ARHGAP9: variants seen among roughly 807,000 people sequenced by gnomAD.
The protein encoded by ARHGAP9 is rho GTPase-activating protein 9.
A neutral mutation model predicts 87.3 loss-of-function variants in ARHGAP9; 76 were observed. That is an observed-to-expected ratio of 0.87 (90% confidence interval 0.72 to 1.05). The LOEUF (loss-of-function observed/expected upper bound fraction) is 1.05, where lower values mean the gene tolerates loss of function less well. ARHGAP9 is among the 50% of genes least tolerant of loss of function. The pLI is 0.00. For synonymous variants in ARHGAP9, 382 were observed against 394.9 expected, an observed-to-expected ratio of 0.97 and a Z score of 0.39; for missense variants, 941 against 960.5, an observed-to-expected ratio of 0.98 and a Z score of 0.27.
At chr12:57,487,621 G>A (rs1875527869) in intron 1 of ARHGAP9, 1 of 158,662 alleles carries the variant, frequency 6.3e-6, no homozygotes, top group Non-Finnish European at 1.4e-5. Context: ...GGCCGAGGCG[G>A]GCGGATCATC....
chr12:57,484,087 TCA>T, upstream of ARHGAP9: 1 of 251,152 alleles, frequency 4.0e-6, no homozygotes, highest in Non-Finnish European at 7.8e-6. Context: ...GTGCGGTGGC[TCA>T]CACCTGTAAT....
chr12:57,474,798 T>C lies in ARHGAP9; in HGVS notation c.1651+77A>G, dbSNP rs953204477. Reference sequence around the variant, plus strand: ...GAGAGAAAAAGGGCAGTAGGAAGACTAGGTAGAATGGGGGAGGCAGAAAAT... The same window carrying C: ...GAGAGAAAAAGGGCAGTAGGAAGACCAGGTAGAATGGGGGAGGCAGAAAAT... On this transcript the variant is annotated intron_variant, in intron 13 of 17. Coordinates refer to ENST00000393791, the MANE Select transcript of ARHGAP9 (RefSeq NM_032496.4). 12 of 1,604,602 alleles carry C rather than the reference T, an allele frequency of 7.5e-6. No homozygotes were observed. The African/African-American group carries it at 1.6e-4, about 21-fold the overall frequency.
rs368910951 is a variant in ARHGAP9 at position 57,477,676 on chromosome 12, C to T, written c.539G>A (p.Gly180Asp). The change falls in exon 4 of 18, where the codon GGC becomes GAC. Residue 180 changes from glycine to aspartate, a missense_variant. Gly to Asp is a moderately conservative substitution (Grantham distance 94, BLOSUM62 -1). Transcript: ENST00000393791. ...GGGCTCTGACATGAGGGGCTGGGGG[C>T]CTGCCTGCCAGAAAAGGGGGAAGAA... is the stretch of plus-strand genomic sequence containing the variant. ...LPSEASASTA[G>D]PQPLMSEPPV... is the part of the protein sequence containing the mutation. The T allele has an allele frequency of 4.3e-6, 7 of 1,610,806 alleles. No individual in the cohort carries two copies. In the African/African-American group the frequency reaches 8.0e-5, roughly 18 times the overall value.
In ARHGAP9 at chr12:57,479,221, C is replaced by T. The variant is rs768063643; in HGVS notation, c.186G>A (p.Trp62Ter). Residue 62 changes from tryptophan to a stop codon, truncating the protein, a stop_gained, in exon 2 of 18, where the codon TGG (tryptophan) becomes TGA (stop). Transcript: ENST00000393791. LOFTEE classifies it high-confidence loss of function. ...LLLRKTNSDWWLARRLEAPST... is the reference protein window; with the variant it reads ...LLLRKTNSDW ...AGGGAGCTTCTAGGCGTCTTGCCAACCACCAGTCGGAGTTGGTCTTTCGAA... is the reference window on the plus strand; with the variant it reads ...AGGGAGCTTCTAGGCGTCTTGCCAATCACCAGTCGGAGTTGGTCTTTCGAA... 4 of 1,614,084 alleles carry T rather than the reference C, an allele frequency of 2.5e-6. No homozygotes were observed. The African/African-American group carries it at 5.3e-5, about 22-fold the overall frequency.
chr12:57,473,529 C>T (rs1186237147), intron 17 of ARHGAP9, 74 bp downstream of exon 17: 17 of 1,403,434 alleles, frequency 1.2e-5, no homozygotes, highest in Non-Finnish European at 1.6e-5. Flanking sequence ...CTTCACTCCA[C>T]CTGCACAGAG....
chr12:57,475,797 G>A (rs1231715770), intron 10 of ARHGAP9, 36 bp downstream of exon 10: 4 of 1,607,288 alleles, frequency 2.5e-6, no homozygotes, highest in African/African-American at 2.7e-5. Context: ...GGTCCCGGCC[G>A]GTCGGAGCCT....
chr12:57,475,265 C>G, intron 12 of ARHGAP9, 26 bp downstream of exon 12: 1 of 1,558,058 alleles, frequency 6.4e-7, no homozygotes, highest in South Asian at 1.2e-5. Context: ...GTTTTCTTAT[C>G]CATGAACCTG....
At chr12:57,478,072 C>T in intron 3 of ARHGAP9, 2 of 705,598 alleles carry the variant, frequency 2.8e-6, no homozygotes, top group East Asian at 8.2e-5. Flanking sequence ...TTTCCACCCA[C>T]GGTTAAGAAA....
rs1166019209 is a variant in ARHGAP9, at chr12:57,479,844, C to G, written c.-133G>C. ...GAAAGAATCAGGTTCAAGACAGAAA[C>G]AGGGAGACACAAGGTTAATGACAAA... On this transcript the variant is annotated 5_prime_UTR_variant, in exon 1 of 18. Coordinates refer to ENST00000393791, the MANE Select transcript of ARHGAP9 (RefSeq NM_032496.4). 26 of 1,493,846 alleles carry G rather than the reference C, an allele frequency of 1.7e-5. No homozygotes were observed. Among genetic ancestry groups the G allele is most frequent in the Non-Finnish European group, 2.3e-5 (26 of 1,120,510 alleles). The allele number at this position is 1,493,846 out of a possible 1,614,324, so 92.5% of individuals were successfully genotyped here.
rs1042531461 is a variant in ARHGAP9 at position 57,477,370 on chromosome 12, GC to G, written c.756+88del. 3.3e-6 allele frequency: 5 copies of G among 1,531,876 alleles called. No individual in the cohort carries two copies. The African/African-American group carries it at 4.1e-5, about 13-fold the overall frequency. The allele number at this position is 1,531,876 out of a possible 1,614,324, so 94.9% of individuals were successfully genotyped here. On this transcript the variant is annotated intron_variant, in intron 4 of 17. Transcript: ENST00000393791. The stretch of plus-strand genomic sequence containing the variant: ...GGCTGATTCTTCTGATCTTCTGAGA[GC>G]CCCGGAGAGAAAACACACTACCTTG...
At position 57,475,623 on chromosome 12, in the gene ARHGAP9, C is replaced by T; in HGVS notation, c.1312-8G>A. ...CAGGGGGTTCTCCCGATCCTAGACCCGGGGCGGGCCGTGTCGAAGGTGAGA... is the reference window on the plus strand; with the variant it reads ...CAGGGGGTTCTCCCGATCCTAGACCTGGGGCGGGCCGTGTCGAAGGTGAGA... On this transcript the variant is annotated splice_region_variant and splice_polypyrimidine_tract_variant and intron_variant, in intron 10 of 17. Coordinates refer to ENST00000393791, the MANE Select transcript of ARHGAP9 (RefSeq NM_032496.4). The T allele has an allele frequency of 1.2e-6, 2 of 1,606,888 alleles. No homozygotes were observed. The highest frequency in any genetic ancestry group is 1.7e-6 in the Non-Finnish European group (2 of 1,176,842).
chr12:57,483,323 T>C (rs1013030141), upstream of ARHGAP9, among the ~76,000 whole-genome samples: 3 of 152,154 alleles, frequency 2.0e-5, no homozygotes, highest in Admixed American at 2.0e-4. Context: ...ATTTTCCCAA[T>C]CTACCTACTT....
upstream of ARHGAP9, among the ~76,000 whole-genome samples, chr12:57,483,560 T>C (rs1225086848): frequency 6.6e-6 from 1 of 152,176 alleles, no homozygotes; most frequent in Non-Finnish European, 1.5e-5. Flanking sequence ...TTTCACAGTC[T>C]CCACCACAAA....
chr12:57,477,607 G>A lies in ARHGAP9; in HGVS notation c.608C>T (p.Ser203Phe). ...NLVDLRRCPR[S>F]PPPGPACPLL... is the part of the protein sequence containing the mutation. Reference sequence around the variant, plus strand: ...GGGGCATGCAGGGCCTGGGGGTGGGGACCGAGGACAGCGGCGAAGGTCCAC... The same window carrying A: ...GGGGCATGCAGGGCCTGGGGGTGGGAACCGAGGACAGCGGCGAAGGTCCAC... Residue 203 changes from serine (S) to phenylalanine (F), a missense_variant, in exon 4 of 18, where the codon TCC becomes TTC. Transcript: ENST00000393791. 1.2e-6 allele frequency: 2 copies of A among 1,613,316 alleles called. No individual in the cohort carries two copies. The highest frequency in any genetic ancestry group is 1.7e-6 in the Non-Finnish European group (2 of 1,179,608).
In ARHGAP9 at chr12:57,478,591, G is replaced by A. The variant is rs145600928; in HGVS notation, c.483C>T (p.Ser161=). Residue 161 remains serine (S), a synonymous_variant, in exon 3 of 18, where the codon AGC becomes AGT. Transcript: ENST00000393791. ...AGTCTTCCTGGGAGAGGGATCTTCC[G>A]CTTGGTCCTTCCTGGAAAGGCTTCA... ...SLLKPFQEGP[S]GRSLSQEDLP... 1.3e-4 allele frequency: 214 copies of A among 1,614,046 alleles called. No homozygotes were observed. In the African/African-American group the frequency reaches 1.9e-3, roughly 14 times the overall value.
intron 1 of ARHGAP9, chr12:57,488,171 G>C (rs1459114411): frequency 1.2e-6 from 2 of 1,614,154 alleles, no homozygotes; most frequent in East Asian, 4.5e-5. Flanking sequence ...GCAGAGCAGA[G>C]GTGCTCATCA....
In ARHGAP9 at chr12:57,475,338, G is replaced by A. The variant is rs1873171764; in HGVS notation, c.1505C>T (p.Ala502Val). ...RVRNKLKRLI[A>V]KRPPLQSLQE... ...CAGGCTTTGTAAGGGCGGTCTCTTC[G>A]CGATGAGCCGCTTTAGTTTGTTGCG... is the stretch of plus-strand genomic sequence containing the variant. Residue 502 changes from alanine to valine, a missense_variant, in exon 12 of 18, where the codon GCG becomes GTG. Coordinates refer to ENST00000393791, the MANE Select transcript of ARHGAP9 (RefSeq NM_032496.4). The A allele has an allele frequency of 1.9e-6, 3 of 1,602,792 alleles. No homozygotes were observed. Among genetic ancestry groups the A allele is most frequent in the Non-Finnish European group, 2.6e-6 (3 of 1,174,470 alleles).
chr12:57,477,865 C>G, intron 3 of ARHGAP9, 185 bp from the exon 4 acceptor site: 1 of 1,420,488 alleles, frequency 7.0e-7, no homozygotes, highest in Admixed American at 2.7e-5. Context: ...TTCTCTCTCT[C>G]ACAGTTTTCT....
rs1873778949 is a variant in ARHGAP9, at chr12:57,476,605, C to CT, written c.1009_1010insA (p.Gly337GlufsTer19). On this transcript the variant is annotated frameshift_variant, in exon 7 of 18. Coordinates refer to ENST00000393791, the MANE Select transcript of ARHGAP9 (RefSeq NM_032496.4). LOFTEE classifies it high-confidence loss of function. ...GGGTTCTCACCTGAGCTTGCGCCCC[C>CT]CTTGGGCAATCTTGGTCATGTTGAG... 6.2e-7 allele frequency: 1 copy of CT among 1,614,060 alleles called. No homozygotes were observed. The highest frequency in any genetic ancestry group is 1.3e-5 in the African/African-American group (1 of 74,916).
Sources: allele counts gnomAD v4.1 joint callset (sites outside exome capture counted in the v4.1 genomes callset), GRCh38; gene constraint gnomAD v4.1.1; transcripts MANE v1.5; gene names NCBI Gene and HGNC (gene_info 2026-07-23, HGNC 2026-07-21).